Variants in MTCL2 observed in about 807,000 individuals in gnomAD.
MTCL2 encodes the protein microtubule crosslinking factor 2.
At chr20:36,820,412 T>C in the MTCL2 span, among the ~76,000 whole-genome samples, 1 of 152,080 alleles carries the variant, frequency 6.6e-6, no homozygotes, top group Non-Finnish European at 1.5e-5. Flanking sequence ...CATGGTAAAG[T>C]CTCTCAGACA....
At chr20:36,806,870 C>G in the MTCL2 span, among the ~76,000 whole-genome samples, 1 of 152,122 alleles carries the variant, frequency 6.6e-6, no homozygotes, top group Non-Finnish European at 1.5e-5. Flanking sequence ...AAGTTTCTCT[C>G]TCTTTTACTC....
the MTCL2 span, chr20:36,859,510 T>C: frequency 9.7e-7 from 1 of 1,027,068 alleles, no homozygotes; most frequent in Non-Finnish European, 1.2e-6. Context: ...CCTCTATCTT[T>C]ATCCAAGCAT....
the MTCL2 span, among the ~76,000 whole-genome samples, chr20:36,803,892 G>A: frequency 2.8e-5 from 4 of 144,460 alleles, no homozygotes; most frequent in South Asian, 4.4e-4. Context: ...GGGAGGCGGA[G>A]GTTGCAGTGA....
chr20:36,784,510 T>C, the MTCL2 span: 4 of 985,452 alleles, frequency 4.1e-6, no homozygotes, highest in African/African-American at 5.2e-5. Flanking sequence ...TTGGTCTTCC[T>C]GATGGGCAAT....
At chr20:36,820,660 A>G in the MTCL2 span, among the ~76,000 whole-genome samples, 1 of 151,966 alleles carries the variant, frequency 6.6e-6, no homozygotes, top group East Asian at 1.9e-4. Flanking sequence ...TGGCCAACAT[A>G]GTGAAACCCT....
At chr20:36,859,519 A>G in the MTCL2 span, 1 of 1,076,028 alleles carries the variant, frequency 9.3e-7, no homozygotes, top group Non-Finnish European at 1.2e-6. Context: ...TTATCCAAGC[A>G]TGCAAGGTCA....
the MTCL2 span, among the ~76,000 whole-genome samples, chr20:36,846,688 G>T: frequency 6.6e-6 from 1 of 152,124 alleles, no homozygotes; most frequent in Non-Finnish European, 1.5e-5. Flanking sequence ...GCCCTCCAGC[G>T]TCCAAATAGG....
chr20:36,786,749 TC>T, the MTCL2 span: 1 of 1,053,262 alleles, frequency 9.5e-7, no homozygotes, highest in Non-Finnish European at 1.3e-6. Context: ...ATAAACCAGT[TC>T]CCAGGGGCTG....
At chr20:36,832,796 T>C in the MTCL2 span, among the ~76,000 whole-genome samples, 21 of 152,126 alleles carry the variant, frequency 1.4e-4, no homozygotes, top group African/African-American at 4.8e-4. Flanking sequence ...TGAGCTGAGA[T>C]TGCACCACTG....
chr20:36,862,066 C>T, the MTCL2 span, among the ~76,000 whole-genome samples: 1 of 152,252 alleles, frequency 6.6e-6, no homozygotes, highest in Non-Finnish European at 1.5e-5. Flanking sequence ...CCCACGACAT[C>T]ATCCTCCAGG....
the MTCL2 span, among the ~76,000 whole-genome samples, chr20:36,843,300 G>C: frequency 6.6e-6 from 1 of 152,194 alleles, no homozygotes; most frequent in African/African-American, 2.4e-5. Flanking sequence ...GCCCCCTGAG[G>C]CTGGATGGAT....
chr20:36,800,992 G>A, the MTCL2 span, among the ~76,000 whole-genome samples: 21 of 152,278 alleles, frequency 1.4e-4, no homozygotes, highest in African/African-American at 4.3e-4. Context: ...ATATTCATGC[G>A]TGTGCAGAAA....
At chr20:36,842,347 AG>A in the MTCL2 span, among the ~76,000 whole-genome samples, 1 of 152,196 alleles carries the variant, frequency 6.6e-6, no homozygotes, top group Non-Finnish European at 1.5e-5. Flanking sequence ...TGTAAGGGGG[AG>A]GGAAGTAGAA....
chr20:36,790,495 C>T, the MTCL2 span, among the ~76,000 whole-genome samples: 33 of 135,562 alleles, frequency 2.4e-4, no homozygotes, highest in Non-Finnish European at 4.3e-4. Context: ...AGTGCAGTGG[C>T]GTGGTCTCAG....
chr20:36,841,653 C>A, the MTCL2 span, among the ~76,000 whole-genome samples: 1 of 152,070 alleles, frequency 6.6e-6, no homozygotes, highest in East Asian at 1.9e-4. Flanking sequence ...AGGAGTCAAC[C>A]ACATGGTACT....
chr20:36,785,180 T>C, the MTCL2 span: 42 of 985,356 alleles, frequency 4.3e-5, no homozygotes, highest in East Asian at 1.9e-3. Context: ...GGTGCAGGGC[T>C]CCAGCTCTGT....
chr20:36,777,949 T>G, the MTCL2 span: 7 of 577,926 alleles, frequency 1.2e-5, no homozygotes, highest in African/African-American at 1.4e-4. Flanking sequence ...GAGTTAAGAT[T>G]TCTTTCAGTT....
chr20:36,830,979 G>A, the MTCL2 span, among the ~76,000 whole-genome samples: 3 of 152,206 alleles, frequency 2.0e-5, no homozygotes, highest in Non-Finnish European at 4.4e-5. Flanking sequence ...GTGGGCAGAT[G>A]TCCAAGTCAT....
the MTCL2 span, among the ~76,000 whole-genome samples, chr20:36,790,848 T>G: frequency 6.6e-6 from 1 of 151,844 alleles, no homozygotes; most frequent in Non-Finnish European, 1.5e-5. Flanking sequence ...GTGCTGGGAT[T>G]AGAGACATGA....
Sources: gnomAD v4.1 joint callset for allele counts (sites outside exome capture counted in the v4.1 genomes callset) on GRCh38, gnomAD v4.1.1 for gene constraint, MANE v1.5 for transcripts, NCBI Gene and HGNC (gene_info 2026-07-23, HGNC 2026-07-21) for gene names.